Variants in ENPEP observed in about 807,000 individuals in gnomAD.
ENPEP encodes the protein glutamyl aminopeptidase, also known as AP-A.
Under a neutral mutation model 114.5 loss-of-function variants are expected in ENPEP, and 103 were observed. The observed-to-expected ratio is 0.90, with a 90% CI of 0.77 to 1.06. ENPEP has a LOEUF of 1.06. ENPEP is among the 50% of genes least tolerant of loss of function. ENPEP has a pLI of 0.00. For synonymous variants in ENPEP, 420 were observed against 422.0 expected (o/e 1.00, Z 0.06); for missense variants, 1,196 against 1,161.3 (o/e 1.03, Z -0.43).
In ENPEP at chr4:110,515,304, C is replaced by T. The variant is rs532960993; in HGVS notation, c.1444-73C>T. 1.7e-5 allele frequency: 21 copies of T among 1,225,688 alleles called. No homozygotes were observed. In the South Asian group the frequency reaches 2.6e-4, roughly 15 times the overall value. 75.9% of individuals were successfully genotyped at this position (1,225,688 alleles called of 1,614,324 possible). A position where few individuals can be genotyped will look rare whatever the true frequency, so the allele number is the denominator to read the frequency against. ...AAATATGATCATGAAATACTAGTTG[C>T]AAGAGTAATAACTGATCATTGTTCC... On this transcript the variant is annotated intron_variant, in intron 7 of 19. Coordinates refer to ENST00000265162, the MANE Select transcript of ENPEP (RefSeq NM_001977.4).
chr4:110,558,328 C>G (rs1316531321), intron 18 of ENPEP, among the ~76,000 whole-genome samples: 1 of 150,006 alleles, frequency 6.7e-6, no homozygotes, highest in Admixed American at 6.6e-5. Context: ...CACTCTGTCA[C>G]CCAGGCTGGA....
rs529843754 is a variant in ENPEP at position 110,490,667 on chromosome 4, A to G, written c.787-366A>G. On this transcript the variant is annotated intron_variant, in intron 2 of 19. Coordinates refer to ENST00000265162, the MANE Select transcript of ENPEP (RefSeq NM_001977.4). ...CAGCAATTGCCCTACTGCCAGTCGAATCAGCAAATATCTGAGCACGAGTCT... is the reference window on the plus strand; with the variant it reads ...CAGCAATTGCCCTACTGCCAGTCGAGTCAGCAAATATCTGAGCACGAGTCT... Among the ~76,000 whole-genome samples the G allele has an allele frequency of 3.3e-5, 5 of 152,342 alleles. No individual in the cohort carries two copies. The East Asian group carries it at 9.6e-4, about 29-fold the overall frequency.
chr4:110,553,234 A>C, intron 17 of ENPEP, 81 bp from the exon 18 acceptor site: 1 of 1,298,426 alleles, frequency 7.7e-7, no homozygotes, highest in Non-Finnish European at 1.0e-6. Flanking sequence ...GCTGGCATGA[A>C]AACTATTTTG....
At chr4:110,499,289 G>A (rs528181691) in intron 3 of ENPEP, among the ~76,000 whole-genome samples, 24 of 152,186 alleles carry the variant, frequency 1.6e-4, no homozygotes, top group Admixed American at 3.3e-4. Context: ...TTTAATACTC[G>A]AAATAACCCT....
At chr4:110,488,821 A>G (rs2110336633) in intron 2 of ENPEP, 139 bp downstream of exon 2, 6 of 1,204,416 alleles carry the variant, frequency 5.0e-6, no homozygotes, top group Non-Finnish European at 5.6e-6. Context: ...TGAGTGAAAT[A>G]CATTTTGGCA....
intron 8 of ENPEP, 79 bp downstream of exon 8, chr4:110,515,521 A>G: frequency 8.5e-7 from 1 of 1,172,218 alleles, no homozygotes; most frequent in Non-Finnish European, 1.2e-6. Context: ...TATGTGATTA[A>G]TCAAGGATAA....
chr4:110,481,706 G>T (rs1724317136), intron 1 of ENPEP, among the ~76,000 whole-genome samples: 1 of 152,108 alleles, frequency 6.6e-6, no homozygotes, highest in Non-Finnish European at 1.5e-5. Flanking sequence ...CTACCCTGTG[G>T]AAGGGAAGAG....
intron 2 of ENPEP, among the ~76,000 whole-genome samples, chr4:110,489,662 CTCTCTGTTATTTTG>C (rs1278333219): frequency 6.6e-5 from 10 of 152,252 alleles, no homozygotes; most frequent in Non-Finnish European, 1.5e-4. Context: ...TAAAACACTT[CTCTCTGTTATTTTG>C]TCTCATCCCT....
At chr4:110,493,562 T>C (rs1362915480) in intron 3 of ENPEP, among the ~76,000 whole-genome samples, 1 of 151,986 alleles carries the variant, frequency 6.6e-6, no homozygotes, top group Non-Finnish European at 1.5e-5. Flanking sequence ...GCAGCCAGAG[T>C]TTCCCCTCCT....
intron 1 of ENPEP, among the ~76,000 whole-genome samples, chr4:110,482,608 A>G (rs1724353818): frequency 6.6e-6 from 1 of 152,232 alleles, no homozygotes; most frequent in Admixed American, 6.5e-5. Context: ...ATACTCAAGC[A>G]CATGTAGTTT....
At position 110,504,533 on chromosome 4, in the gene ENPEP, T is replaced by C. The variant is rs530910059; in HGVS notation, c.919-2104T>C. 2.0e-5 allele frequency among the ~76,000 whole-genome samples: 3 copies of C among 152,230 alleles called. No individual in the cohort carries two copies. In the East Asian group the frequency reaches 5.8e-4, roughly 30 times the overall value. On this transcript the variant is annotated intron_variant, in intron 3 of 19. Coordinates refer to ENST00000265162, the MANE Select transcript of ENPEP (RefSeq NM_001977.4). ...CACTGCTGGCCTGAGCTGAGGTCCC[T>C]GCTTGGTGAAGAGCTGACCCTGATT...
Position 110,530,182 on chromosome 4 carries a change from G to T in ENPEP, c.1728-1016G>T, listed in dbSNP as rs189397705. 1.3e-4 allele frequency among the ~76,000 whole-genome samples: 20 copies of T among 152,256 alleles called. No homozygotes were observed. In the East Asian group the frequency reaches 3.7e-3, roughly 28 times the overall value. On this transcript the variant is annotated intron_variant, in intron 10 of 19. Coordinates refer to ENST00000265162, the MANE Select transcript of ENPEP (RefSeq NM_001977.4). ...AATTTATGTGTTGGTTTTATGAAAC[G>T]TATAGCCAAAAACATTCCACTGCAG...
intron 8 of ENPEP, 131 bp downstream of exon 8, chr4:110,515,573 A>C: frequency 1.4e-6 from 1 of 716,996 alleles, no homozygotes; most frequent in South Asian, 1.7e-5. Flanking sequence ...ATAATATAGC[A>C]AAAGATAAAA....
rs1727683695 is a variant in ENPEP, at chr4:110,561,623, C to T, written c.*65C>T. The T allele has an allele frequency of 6.6e-7, 1 of 1,506,114 alleles. No individual in the cohort carries two copies. Among genetic ancestry groups the T allele is most frequent in the Non-Finnish European group, 9.0e-7 (1 of 1,106,792 alleles). 93.3% of individuals were successfully genotyped at this position (1,506,114 alleles called of 1,614,324 possible). A position where few individuals can be genotyped will look rare whatever the true frequency, so the allele number is the denominator to read the frequency against. On this transcript the variant is annotated 3_prime_UTR_variant, in exon 20 of 20. Transcript: ENST00000265162. ...TTTCTCCTCTGAAGCATTTGGTGGC[C>T]TAATTTACAAGCACGATGGAGAGAG...
chr4:110,543,069 A>G lies in ENPEP; in HGVS notation c.1999A>G (p.Arg667Gly), dbSNP rs771050591. Reference sequence around the variant, plus strand: ...TATTGATGATGCTTTTGCCTTGGCAAGGTGCGTTTTAGAATGAGACTAAAT... The same window carrying G: ...TATTGATGATGCTTTTGCCTTGGCAGGGTGCGTTTTAGAATGAGACTAAAT... ...SLIDDAFALA[R>G]AQLLDYKVAL... The change falls in exon 13 of 20, where the codon AGA becomes GGA. Residue 667 changes from arginine to glycine, a missense_variant and splice_region_variant. By Grantham distance (125) the Arg-to-Gly change is moderately radical. Coordinates refer to ENST00000265162, the MANE Select transcript of ENPEP (RefSeq NM_001977.4). 6 of 1,612,618 alleles carry G rather than the reference A, an allele frequency of 3.7e-6. No homozygotes were observed. Among genetic ancestry groups the G allele is most frequent in the Non-Finnish European group, 1.7e-6 (2 of 1,178,990 alleles).
At chr4:110,530,088 A>AT (rs1187087014) in intron 10 of ENPEP, among the ~76,000 whole-genome samples, 6 of 151,722 alleles carry the variant, frequency 4.0e-5, no homozygotes, top group Non-Finnish European at 5.9e-5. Context: ...AAAGAAAAAA[A>AT]AAGAGAGAAA....
At chr4:110,540,031 T>C (rs970677068) in intron 11 of ENPEP, among the ~76,000 whole-genome samples, 1 of 152,054 alleles carries the variant, frequency 6.6e-6, no homozygotes, top group African/African-American at 2.4e-5. Context: ...AAGAAAAAAG[T>C]AAGAATTTTC....
At chr4:110,515,299 A>G (rs1725718969) in intron 7 of ENPEP, 78 bp from the exon 8 acceptor site, 2 of 1,105,830 alleles carry the variant, frequency 1.8e-6, no homozygotes, top group Non-Finnish European at 2.7e-6. Flanking sequence ...ATGAAATACT[A>G]GTTGCAAGAG....
intron 1 of ENPEP, 137 bp downstream of exon 1, chr4:110,477,195 T>G: frequency 7.9e-7 from 1 of 1,273,442 alleles, no homozygotes; most frequent in Non-Finnish European, 1.1e-6. Context: ...ATTCTGGCTG[T>G]CCATCTGGGA....
Sources: allele counts gnomAD v4.1 joint callset (sites outside exome capture counted in the v4.1 genomes callset), GRCh38; gene constraint gnomAD v4.1.1; transcripts MANE v1.5; gene names NCBI Gene and HGNC (gene_info 2026-07-23, HGNC 2026-07-21).